Variants in SMOX observed in about 807,000 individuals in gnomAD.
The protein encoded by SMOX is spermine oxidase.
In SMOX, 22 loss-of-function variants were observed where a neutral mutation model predicts 51.0. That is an observed-to-expected ratio of 0.43 (90% CI 0.31 to 0.62). SMOX has a LOEUF of 0.62. Ranked by LOEUF, SMOX falls within the 20% of genes least tolerant of loss-of-function variation. The probability of loss-of-function intolerance (pLI) is 0.10; values close to 1 mark genes in which losing one functional copy is unlikely to be tolerated. For synonymous variants in SMOX, 282 were observed against 307.8 expected (o/e 0.92, Z 0.88); for missense variants, 566 against 777.7 (o/e 0.73, Z 3.24).
intron 1 of SMOX, among the ~76,000 whole-genome samples, chr20:4,173,335 C>T (rs1978569797): frequency 6.6e-6 from 1 of 152,196 alleles, no homozygotes; most frequent in Admixed American, 6.5e-5. Context: ...GTGCCCTTGT[C>T]TCTGGCTTCT....
chr20:4,168,119 A>AGGGGGG (rs1986648702), intron 1 of SMOX, among the ~76,000 whole-genome samples: 2 of 127,238 alleles, frequency 1.6e-5, no homozygotes, highest in Non-Finnish European at 3.5e-5. Context: ...AGAGCGGGGT[A>AGGGGGG]GGGGTGGGGG....
At position 4,181,735 on chromosome 20, in the gene SMOX, T is replaced by G; in HGVS notation, c.436-68T>G. The G allele has an allele frequency of 1.9e-6, 3 of 1,563,374 alleles. No homozygotes were observed. The highest frequency in any genetic ancestry group is 2.6e-6 in the Non-Finnish European group (3 of 1,151,064). On this transcript the variant is annotated intron_variant, in intron 3 of 6. Coordinates refer to ENST00000305958, the MANE Select transcript of SMOX (RefSeq NM_175839.3). The surrounding 1 kb of genome is among the most constrained non-coding windows in gnomAD (Gnocchi z 5.6). ...ACACCTGGGAACTGGTGGGTTTGGG[T>G]TGGGGGCCTTCTGTTTGAGATGGAG...
At position 4,177,612 on chromosome 20, in the gene SMOX, A is replaced by G; in HGVS notation, c.435+35A>G. ...GAGCAGAGTAGCTGGGCGTAAGGGC[A>G]TGGGGAGACCTGGGAGGTCTGTGAT... On this transcript the variant is annotated intron_variant, in intron 3 of 6. Coordinates refer to ENST00000305958, the MANE Select transcript of SMOX (RefSeq NM_175839.3). This position sits in a 1 kb window ranked among gnomAD's most constrained non-coding sequence, Gnocchi z 4.3. 1.9e-6 allele frequency: 3 copies of G among 1,548,948 alleles called. No individual in the cohort carries two copies. Among genetic ancestry groups the G allele is most frequent in the Non-Finnish European group, 2.6e-6 (3 of 1,144,168 alleles).
At chr20:4,158,989 C>T (rs562398523) in intron 1 of SMOX, among the ~76,000 whole-genome samples, 9 of 148,274 alleles carry the variant, frequency 6.1e-5, no homozygotes, top group Non-Finnish European at 1.0e-4. Flanking sequence ...CACACAGGGA[C>T]CTTTTACTCT....
Position 4,167,795 on chromosome 20 carries a change from CTTT to C in SMOX, c.-26-7233_-26-7231del, listed in dbSNP as rs1427432806. The stretch of plus-strand genomic sequence containing the variant: ...GGCAGCCCAGCCTGGCCCAGCAGTC[CTTT>C]TACTTCCTGGCCAGCCTGAGTGAGG... On this transcript the variant is annotated intron_variant, in intron 1 of 6. Transcript: ENST00000305958. This position sits in a 1 kb window ranked among gnomAD's most constrained non-coding sequence, Gnocchi z 4.8. Among the ~76,000 whole-genome samples the C allele has an allele frequency of 1.3e-5, 2 of 152,120 alleles. No individual in the cohort carries two copies. The highest frequency in any genetic ancestry group is 1.3e-4 in the Admixed American group (2 of 15,284).
Position 4,183,440 on chromosome 20 carries a change from A to C in SMOX, c.1370-54A>C. The C allele has an allele frequency of 6.2e-7, 1 of 1,613,448 alleles. No homozygotes were observed. The highest frequency in any genetic ancestry group is 8.5e-7 in the Non-Finnish European group (1 of 1,179,702). Reference sequence around the variant, plus strand: ...GGTTGTCCCTTTGGGGTCATCTTCCATATGCAGCCATTTCTTATCCTCCCT... The same window carrying C: ...GGTTGTCCCTTTGGGGTCATCTTCCCTATGCAGCCATTTCTTATCCTCCCT... On this transcript the variant is annotated intron_variant, in intron 5 of 6. Transcript: ENST00000305958. The surrounding 1 kb of genome is among the most constrained non-coding windows in gnomAD (Gnocchi z 4.3).
intron 1 of SMOX, among the ~76,000 whole-genome samples, chr20:4,158,447 T>A (rs1013041112): frequency 2.0e-5 from 3 of 152,178 alleles, no homozygotes; most frequent in Non-Finnish European, 4.4e-5. Flanking sequence ...AGGTGGAGCA[T>A]GGTGGCCTAG....
intron 1 of SMOX, among the ~76,000 whole-genome samples, chr20:4,174,184 C>T (rs563101822): frequency 5.9e-5 from 9 of 152,148 alleles, no homozygotes; most frequent in African/African-American, 1.7e-4. Context: ...ATTGCCACTT[C>T]GGTGAGGCTG....
intron 1 of SMOX, among the ~76,000 whole-genome samples, chr20:4,164,859 A>G (rs919839672): frequency 2.0e-5 from 3 of 151,998 alleles, no homozygotes; most frequent in East Asian, 3.9e-4. Context: ...TCTTGCACCA[A>G]CGTATTCACC....
At chr20:4,173,445 G>T (rs1741313) in intron 1 of SMOX, among the ~76,000 whole-genome samples, 51,051 of 152,132 alleles carry the variant, frequency 0.34, 9,810 homozygotes, top group East Asian at 0.43. Flanking sequence ...GGATATGCTA[G>T]GTACAGCACC....
In SMOX at chr20:4,182,004, G is replaced by T; in HGVS notation, c.609+28G>T. On this transcript the variant is annotated intron_variant, in intron 4 of 6. Coordinates refer to ENST00000305958, the MANE Select transcript of SMOX (RefSeq NM_175839.3). The surrounding 1 kb of genome is among the most constrained non-coding windows in gnomAD (Gnocchi z 8.4). ...ATCTTGAGGAAGACGGATTCTGGGG[G>T]CGTCTGGGTCTGAGGAGGGCTACGC... 6.2e-7 allele frequency: 1 copy of T among 1,611,496 alleles called. No individual in the cohort carries two copies. The highest frequency in any genetic ancestry group is 8.5e-7 in the Non-Finnish European group (1 of 1,178,526).
rs2122613209 is a variant in SMOX at position 4,187,485 on chromosome 20, C to T, written c.*78C>T. On this transcript the variant is annotated 3_prime_UTR_variant, in exon 7 of 7. Transcript: ENST00000305958. This position sits in a 1 kb window ranked among gnomAD's most constrained non-coding sequence, Gnocchi z 4.8. Reference sequence around the variant, plus strand: ...CCTTGCTGCCGTGTGCTCCTGCCTTCCTGATCCTCTGTAGAAAGGATTTTT... The same window carrying T: ...CCTTGCTGCCGTGTGCTCCTGCCTTTCTGATCCTCTGTAGAAAGGATTTTT... 8 of 1,565,400 alleles carry T rather than the reference C, an allele frequency of 5.1e-6. No individual in the cohort carries two copies. The East Asian group carries it at 1.6e-4, about 31-fold the overall frequency.
At chr20:4,184,250 C>T (rs974422059) in intron 6 of SMOX, among the ~76,000 whole-genome samples, 1 of 151,694 alleles carries the variant, frequency 6.6e-6, no homozygotes, top group Non-Finnish European at 1.5e-5. Flanking sequence ...CCCGCCTCAA[C>T]CTCCTGAAGT....
chr20:4,183,692 G>A lies in SMOX; in HGVS notation c.1530+38G>A, dbSNP rs186213400. 6 of 1,535,066 alleles carry A rather than the reference G, an allele frequency of 3.9e-6. 1 individual carries two copies. Among genetic ancestry groups the A allele is most frequent in the East Asian group, 4.5e-5 (2 of 44,384 alleles). On this transcript the variant is annotated intron_variant, in intron 6 of 6. Transcript: ENST00000305958. This position sits in a 1 kb window ranked among gnomAD's most constrained non-coding sequence, Gnocchi z 4.3. ...TTTGGGGTGAGGAGGGGAGTTGTGG[G>A]TGTATTTTGTATGTGTGTCCGGTCC... is the stretch of plus-strand genomic sequence containing the variant.
chr20:4,174,326 G>T (rs949745881), intron 1 of SMOX, among the ~76,000 whole-genome samples: 7 of 152,138 alleles, frequency 4.6e-5, no homozygotes, highest in African/African-American at 1.7e-4. Context: ...TGGGATCTGT[G>T]TTGAGTATCC....
chr20:4,182,739 C>T lies in SMOX; in HGVS notation c.1260C>T (p.Tyr420=), dbSNP rs139432235. ...ATGTCCTCTACCCGCCTGAGCGCTA[C>T]GGCCATGTGCTGAGCGGCTGGATCT... ...GFDVLYPPER[Y]GHVLSGWICG... The change falls in exon 5 of 7, where the codon TAC becomes TAT. Residue 420 remains tyrosine, a synonymous_variant. Transcript: ENST00000305958. The surrounding 1 kb of genome is among the most constrained non-coding windows in gnomAD (Gnocchi z 8.4). 42 of 1,614,084 alleles carry T rather than the reference C, an allele frequency of 2.6e-5. No individual in the cohort carries two copies. Among genetic ancestry groups the T allele is most frequent in the East Asian group, 6.7e-5 (3 of 44,888 alleles).
chr20:4,156,119 C>T (rs1052422066), intron 1 of SMOX, among the ~76,000 whole-genome samples: 8 of 152,182 alleles, frequency 5.3e-5, no homozygotes, highest in Non-Finnish European at 1.0e-4. Flanking sequence ...CACTACCCTA[C>T]GGGAGATTCA....
At position 4,153,564 on chromosome 20, in the gene SMOX, G is replaced by A. The variant is rs1435212719; in HGVS notation, c.-27+4587G>A. Among the ~76,000 whole-genome samples the A allele has an allele frequency of 2.0e-5, 3 of 152,132 alleles. No individual in the cohort carries two copies. Among genetic ancestry groups the A allele is most frequent in the Non-Finnish European group, 2.9e-5 (2 of 68,024 alleles). On this transcript the variant is annotated intron_variant, in intron 1 of 6. Transcript: ENST00000305958. The surrounding 1 kb of genome is among the most constrained non-coding windows in gnomAD (Gnocchi z 4.4). ...CTGGCTGGCTGAGGAACGGTTTGCT[G>A]ACCACACAGGGATGGGGTCTGTTTT...
chr20:4,164,620 T>TTGTG (rs756743685), intron 1 of SMOX, among the ~76,000 whole-genome samples: 9 of 151,242 alleles, frequency 6.0e-5, no homozygotes, highest in Non-Finnish European at 4.4e-5. Context: ...CTTTCATGAT[T>TTGTG]TGTGTGTGTG....
Sources: gnomAD v4.1 joint callset for allele counts (sites outside exome capture counted in the v4.1 genomes callset) on GRCh38, gnomAD v4.1.1 for gene constraint, Gnocchi (gnomAD v3.1) non-coding constraint, MANE v1.5 for transcripts, NCBI Gene and HGNC (gene_info 2026-07-23, HGNC 2026-07-21) for gene names.